SDK1: variants seen among roughly 807,000 people sequenced by gnomAD.
SDK1 encodes the protein protein sidekick-1.
SDK1 carries 157 observed loss-of-function variants against 245.5 expected under a neutral mutation model. The ratio of observed to expected loss-of-function variants is 0.64; its 90% CI spans 0.56 to 0.73. The LOEUF (loss-of-function observed/expected upper bound fraction) is 0.73, where lower values mean the gene tolerates loss of function less well. SDK1 is among the 30% of genes least tolerant of loss of function. SDK1 has a pLI of 0.00. For synonymous variants in SDK1, 1,647 were observed against 1,278.5 expected, an observed-to-expected ratio of 1.29 and a Z score of -6.15; for missense variants, 3,583 against 3,002.3, an observed-to-expected ratio of 1.19 and a Z score of -4.52.
At chr7:3,359,346 A>G (rs1780891485) in intron 1 of SDK1, among the ~76,000 whole-genome samples, 1 of 152,168 alleles carries the variant, frequency 6.6e-6, no homozygotes, top group South Asian at 2.1e-4. Flanking sequence ...CCACTTGCAT[A>G]GTGAATACAT....
In SDK1 at chr7:4,267,068, G is replaced by T. The variant is rs1021277168; in HGVS notation, c.*1684G>T. 5.1e-6 allele frequency: 5 copies of T among 985,466 alleles called. No individual in the cohort carries two copies. In the South Asian group the frequency reaches 1.9e-4, roughly 37 times the overall value. The allele number at this position is 985,466 out of a possible 1,614,324, so 61.0% of individuals were successfully genotyped here. On this transcript the variant is annotated 3_prime_UTR_variant, in exon 45 of 45. Coordinates refer to ENST00000404826, the MANE Select transcript of SDK1 (RefSeq NM_152744.4). The stretch of plus-strand genomic sequence containing the variant: ...ATTGCCTGGATTCTGTGCTGTCAGC[G>T]TTGCTGAGTATGGCCCCAGGAGACC...
At chr7:3,429,450 C>G (rs930396303) in intron 1 of SDK1, among the ~76,000 whole-genome samples, 1 of 152,002 alleles carries the variant, frequency 6.6e-6, no homozygotes, top group Non-Finnish European at 1.5e-5. Context: ...ATGAAAGATA[C>G]CAGACCCAAA....
intron 1 of SDK1, among the ~76,000 whole-genome samples, chr7:3,327,172 G>A (rs572584209): frequency 6.6e-6 from 1 of 152,142 alleles, no homozygotes; most frequent in Admixed American, 6.5e-5. Context: ...TTCCAGAAGA[G>A]AGTGACCAGC....
At chr7:3,816,852 G>C (rs935371203) in intron 4 of SDK1, among the ~76,000 whole-genome samples, 1 of 151,964 alleles carries the variant, frequency 6.6e-6, no homozygotes, top group African/African-American at 2.4e-5. Flanking sequence ...AGAATATTTT[G>C]AAGTGGTTTT....
At chr7:3,344,093 G>C (rs552430374) in intron 1 of SDK1, among the ~76,000 whole-genome samples, 1 of 149,952 alleles carries the variant, frequency 6.7e-6, no homozygotes, top group South Asian at 2.1e-4. Context: ...AGCAATAAAA[G>C]GAATATTTTG....
At chr7:3,677,184 G>C (rs960164366) in intron 4 of SDK1, among the ~76,000 whole-genome samples, 1 of 152,124 alleles carries the variant, frequency 6.6e-6, no homozygotes. Context: ...ATTCTGCTCT[G>C]TGTGCGAAGG....
intron 40 of SDK1, among the ~76,000 whole-genome samples, chr7:4,224,380 G>A (rs1234722699): frequency 6.6e-6 from 1 of 152,214 alleles, no homozygotes; most frequent in East Asian, 1.9e-4. Context: ...GCTGGGGCAG[G>A]AGGAAGAGAG....
At chr7:3,661,004 G>T (rs768311077) in intron 4 of SDK1, among the ~76,000 whole-genome samples, 14 of 152,074 alleles carry the variant, frequency 9.2e-5, no homozygotes, top group Non-Finnish European at 1.0e-4. Context: ...GTAATTTTTG[G>T]TATTTAGAAA....
intron 1 of SDK1, among the ~76,000 whole-genome samples, chr7:3,350,936 G>C (rs964655118): frequency 6.6e-6 from 1 of 152,202 alleles, no homozygotes. Flanking sequence ...GGTATTAAAG[G>C]AGAATTATGG....
chr7:3,520,462 G>A (rs560047955), intron 1 of SDK1, among the ~76,000 whole-genome samples: 2 of 152,132 alleles, frequency 1.3e-5, no homozygotes, highest in African/African-American at 2.4e-5. Context: ...GCTGTGTTTG[G>A]TGGTGCAGAC....
At chr7:4,071,329 C>A (rs2128174655) in intron 20 of SDK1, among the ~76,000 whole-genome samples, 1 of 152,304 alleles carries the variant, frequency 6.6e-6, no homozygotes, top group African/African-American at 2.4e-5. Context: ...CTGGCCTCAC[C>A]TTAACTTTTA....
chr7:3,450,308 G>T (rs1670726575), intron 1 of SDK1, among the ~76,000 whole-genome samples: 1 of 152,188 alleles, frequency 6.6e-6, no homozygotes, highest in African/African-American at 2.4e-5. Context: ...TAGGGGAGTG[G>T]TCTCTTCACT....
intron 15 of SDK1, among the ~76,000 whole-genome samples, chr7:4,011,360 G>A (rs1373869957): frequency 2.0e-5 from 3 of 152,240 alleles, no homozygotes; most frequent in African/African-American, 4.8e-5. Flanking sequence ...ATCTGGCTGT[G>A]CCTACATAAA....
chr7:3,597,228 C>A (rs1446160310), intron 1 of SDK1, among the ~76,000 whole-genome samples: 1 of 146,894 alleles, frequency 6.8e-6, no homozygotes, highest in African/African-American at 2.5e-5. Flanking sequence ...GCCCAGATCG[C>A]GCCACTGCAC....
chr7:3,988,629 C>G (rs547591763), intron 14 of SDK1, among the ~76,000 whole-genome samples: 6 of 152,284 alleles, frequency 3.9e-5, no homozygotes, highest in African/African-American at 1.4e-4. Context: ...TATGTTGACT[C>G]CCTGAATGGG....
intron 5 of SDK1, among the ~76,000 whole-genome samples, chr7:3,948,841 G>GC (rs1780681789): frequency 2.0e-5 from 3 of 152,348 alleles, no homozygotes; most frequent in South Asian, 4.1e-4. Context: ...TTCCTCATCT[G>GC]CCACCGTGGC....
chr7:3,540,831 A>G (rs1008901372), intron 1 of SDK1, among the ~76,000 whole-genome samples: 1 of 152,232 alleles, frequency 6.6e-6, no homozygotes, highest in Non-Finnish European at 1.5e-5. Flanking sequence ...AGGACTTTAA[A>G]GGAGTATTTA....
In SDK1 at chr7:3,950,958, A is replaced by G. The variant is rs147733079; in HGVS notation, c.883A>G (p.Ile295Val). 377 of 1,613,988 alleles carry G rather than the reference A, an allele frequency of 2.3e-4. No individual in the cohort carries two copies. Among genetic ancestry groups the G allele is most frequent in the Non-Finnish European group, 3.0e-4 (353 of 1,179,978 alleles). Reference sequence around the variant, plus strand: ...CACACCTGAAACCATGGCCCCAACCATTGTGGTTCCCCCGGGCAACAGAAG... The same window carrying G: ...CACACCTGAAACCATGGCCCCAACCGTTGTGGTTCCCCCGGGCAACAGAAG... ...VGTPETMAPT[I>V]VVPPGNRSVV... Residue 295 changes from isoleucine to valine, a missense_variant, in exon 6 of 45, where the codon ATT becomes GTT. Ile to Val is a conservative substitution (Grantham distance 29). Transcript: ENST00000404826.
chr7:3,683,128 G>A (rs186591036), intron 4 of SDK1, among the ~76,000 whole-genome samples: 43 of 152,316 alleles, frequency 2.8e-4, no homozygotes, highest in African/African-American at 9.6e-4. Flanking sequence ...TTGATTGGGA[G>A]TGAATGTAGT....
Sources: allele counts gnomAD v4.1 joint callset (sites outside exome capture counted in the v4.1 genomes callset), GRCh38; gene constraint gnomAD v4.1.1; transcripts MANE v1.5; gene names NCBI Gene and HGNC (gene_info 2026-07-23, HGNC 2026-07-21).